ACYP2: variants seen among roughly 807,000 people sequenced by gnomAD.
ACYP2 encodes the protein acylphosphatase-2.
Under a neutral mutation model 11.2 loss-of-function variants are expected in ACYP2, and 12 were observed. That is an observed-to-expected ratio of 1.08 (90% CI 0.69 to 1.74). The LOEUF (loss-of-function observed/expected upper bound fraction) is 1.74, where lower values mean the gene tolerates loss of function less well. ACYP2 is among the 40% of genes most tolerant of loss of function. ACYP2 has a pLI of 0.00. For synonymous variants in ACYP2, 43 were observed against 32.2 expected (o/e 1.33, Z -1.13); for missense variants, 134 against 101.9 (o/e 1.31, Z -1.35).
chr2:53,973,593 G>A, intron 1 of ACYP2: 1 of 198,362 alleles, frequency 5.0e-6, no homozygotes, highest in Non-Finnish European at 1.0e-5. Flanking sequence ...CCACCCTTGA[G>A]AATGTACTTT....
chr2:54,272,185 G>C (rs1325487986), intron 6 of ACYP2, among the ~76,000 whole-genome samples: 1 of 152,164 alleles, frequency 6.6e-6, no homozygotes, highest in Non-Finnish European at 1.5e-5. Flanking sequence ...GGAAACTGAA[G>C]TTTAGCAGAT....
At chr2:54,245,556 C>T (rs770058237) in intron 6 of ACYP2, among the ~76,000 whole-genome samples, 1 of 152,082 alleles carries the variant, frequency 6.6e-6, no homozygotes, top group African/African-American at 2.4e-5. Context: ...AATAGCTATC[C>T]TAACTGGGGT....
chr2:54,168,534 C>A (rs913346952), intron 6 of ACYP2, among the ~76,000 whole-genome samples: 4 of 152,006 alleles, frequency 2.6e-5, no homozygotes, highest in African/African-American at 9.7e-5. Flanking sequence ...GAGTTAGAAA[C>A]CATAAAAAGT....
intron 6 of ACYP2, among the ~76,000 whole-genome samples, chr2:54,175,510 A>AT (rs1259733660): frequency 2.0e-5 from 3 of 151,634 alleles, no homozygotes; most frequent in East Asian, 3.9e-4. Context: ...TTTTTGAAGC[A>AT]TTTTTTGTAT....
chr2:54,163,406 G>T (rs1353189161), intron 6 of ACYP2, among the ~76,000 whole-genome samples: 1 of 152,140 alleles, frequency 6.6e-6, no homozygotes. Flanking sequence ...CTGTCTCTGA[G>T]ACCCTCTGTT....
intron 6 of ACYP2, 76 bp from the exon 4 acceptor site, chr2:54,304,612 C>A (rs1689846824): frequency 9.4e-6 from 9 of 961,928 alleles, no homozygotes; most frequent in Non-Finnish European, 1.4e-5. Flanking sequence ...CCCATTAATA[C>A]CTACTGTGGG....
intron 6 of ACYP2, among the ~76,000 whole-genome samples, chr2:54,204,074 G>A (rs1276285460): frequency 1.3e-5 from 2 of 152,098 alleles, no homozygotes; most frequent in East Asian, 1.9e-4. Flanking sequence ...GGCTCACTGC[G>A]ACCTCTGCCT....
chr2:54,145,934 G>A (rs541457693), intron 6 of ACYP2, among the ~76,000 whole-genome samples: 3 of 152,304 alleles, frequency 2.0e-5, no homozygotes, highest in South Asian at 2.1e-4. Context: ...TCACTCTGGT[G>A]TTGCTCTTCG....
rs141008731 is a variant in ACYP2 at position 54,166,358 on chromosome 2, G to T, written c.404+27610G>T. Among the ~76,000 whole-genome samples, 227 of 152,284 alleles carry T rather than the reference G, an allele frequency of 1.5e-3. 1 individual carries two copies. Among genetic ancestry groups the T allele is most frequent in the African/African-American group, 5.3e-3 (220 of 41,558 alleles). On this transcript the variant is annotated intron_variant, in intron 6 of 6. Transcript: ENST00000607452. ...TACAAAGATGAGTAATACAGTCTCT[G>T]CCCTCAAGGACTTGAGGAAAGATGG...
intron 4 of ACYP2, among the ~76,000 whole-genome samples, chr2:54,080,878 G>A (rs1677610805): frequency 6.6e-6 from 1 of 151,846 alleles, no homozygotes; most frequent in African/African-American, 2.4e-5. Flanking sequence ...TTCTTGCCTC[G>A]ACCTCCCAAA....
intron 6 of ACYP2, among the ~76,000 whole-genome samples, chr2:54,272,077 C>T (rs1401671229): frequency 6.6e-6 from 1 of 152,162 alleles, no homozygotes; most frequent in Non-Finnish European, 1.5e-5. Flanking sequence ...ACCTTCTTTT[C>T]ATGGATCAAG....
At chr2:54,256,737 G>A (rs1687557365) in intron 6 of ACYP2, among the ~76,000 whole-genome samples, 2 of 152,230 alleles carry the variant, frequency 1.3e-5, no homozygotes, top group African/African-American at 4.8e-5. Flanking sequence ...CGCCTCCCAA[G>A]TTCAAGCGAT....
Position 54,109,341 on chromosome 2 carries a change from A to G in ACYP2, c.278-26112A>G, listed in dbSNP as rs1301910150. On this transcript the variant is annotated intron_variant, in intron 4 of 6. Transcript: ENST00000607452. ...AACTAAATATCGTATGTTCTCACTG[A>G]TAAGTGGAAGCTAAGCTATGAGGAT... is the stretch of plus-strand genomic sequence containing the variant. Among the ~76,000 whole-genome samples, 3 of 152,128 alleles carry G rather than the reference A, an allele frequency of 2.0e-5. No homozygotes were observed. In the East Asian group the frequency reaches 5.8e-4, roughly 29 times the overall value.
intron 4 of ACYP2, among the ~76,000 whole-genome samples, chr2:54,090,536 C>T (rs1310511663): frequency 6.6e-6 from 1 of 152,164 alleles, no homozygotes; most frequent in African/African-American, 2.4e-5. Context: ...GAGGCTGAGG[C>T]AGGAGAACTG....
chr2:54,171,773 C>T (rs947547887), intron 6 of ACYP2, among the ~76,000 whole-genome samples: 5 of 151,940 alleles, frequency 3.3e-5, no homozygotes, highest in Non-Finnish European at 7.4e-5. Flanking sequence ...TTCTATTTTT[C>T]GGTGTCTTAG....
chr2:54,267,683 G>GT (rs2104068497), intron 6 of ACYP2, among the ~76,000 whole-genome samples: 1 of 152,282 alleles, frequency 6.6e-6, no homozygotes, highest in Admixed American at 6.5e-5. Flanking sequence ...GTGAGAATAG[G>GT]TTTTCTGAAG....
chr2:54,005,926 A>G (rs915364096), intron 2 of ACYP2, among the ~76,000 whole-genome samples: 2 of 152,190 alleles, frequency 1.3e-5, no homozygotes, highest in Non-Finnish European at 2.9e-5. Flanking sequence ...AAGAACTGAC[A>G]TCCTGATAAT....
intron 2 of ACYP2, among the ~76,000 whole-genome samples, chr2:53,974,680 A>T (rs1270680567): frequency 6.6e-6 from 1 of 152,202 alleles, no homozygotes; most frequent in Non-Finnish European, 1.5e-5. Context: ...TACTAGTGAC[A>T]TACTAGTATA....
intron 2 of ACYP2, among the ~76,000 whole-genome samples, chr2:54,003,647 C>T (rs765618925): frequency 3.3e-5 from 5 of 152,170 alleles, no homozygotes; most frequent in Admixed American, 6.5e-5. Flanking sequence ...TGTAAGGTAT[C>T]TTGTTTTTTT....
Sources: allele counts gnomAD v4.1 joint callset (sites outside exome capture counted in the v4.1 genomes callset), GRCh38; gene constraint gnomAD v4.1.1; transcripts MANE v1.5; gene names NCBI Gene and HGNC (gene_info 2026-07-23, HGNC 2026-07-21).